B3GALT1: variants seen among roughly 807,000 people sequenced by gnomAD.
B3GALT1 encodes UDP-Gal:betaGlcNAc beta 1,3-galactosyltransferase, polypeptide 1.
In B3GALT1, 10 loss-of-function variants were observed where a neutral mutation model predicts 23.2. That is an observed-to-expected ratio of 0.43 (90% CI 0.27 to 0.73). B3GALT1 has a LOEUF of 0.73. Among genes scored for constraint, B3GALT1 ranks in the 30% least tolerant of loss-of-function variants. The pLI is 0.21. For synonymous variants in B3GALT1, 156 were observed against 141.5 expected (o/e 1.10, Z -0.73); for missense variants, 299 against 405.4 (o/e 0.74, Z 2.25).
At chr2:167,471,590 C>A (rs749581957) in intron 1 of B3GALT1, among the ~76,000 whole-genome samples, 5 of 152,238 alleles carry the variant, frequency 3.3e-5, no homozygotes, top group Non-Finnish European at 5.9e-5. Flanking sequence ...AGTGAACCAG[C>A]TTCAAGATGG....
At chr2:167,369,276 G>A (rs1003688882) in intron 1 of B3GALT1, among the ~76,000 whole-genome samples, 1 of 152,120 alleles carries the variant, frequency 6.6e-6, no homozygotes, top group East Asian at 1.9e-4. Flanking sequence ...TGGAGGCCTT[G>A]CCTCTTACTA....
intron 1 of B3GALT1, among the ~76,000 whole-genome samples, chr2:167,393,497 A>G (rs114739182): frequency 0.014 from 2,192 of 152,280 alleles, 50 homozygotes; most frequent in African/African-American, 0.049. Flanking sequence ...ACAAAGACAT[A>G]TTAGAAAACG....
intron 2 of B3GALT1, among the ~76,000 whole-genome samples, chr2:167,551,886 A>G (rs1474514918): frequency 2.6e-5 from 4 of 152,080 alleles, no homozygotes; most frequent in Non-Finnish European, 5.9e-5. Flanking sequence ...GGCATTTGAG[A>G]AGGGTTCTGG....
At chr2:167,429,338 A>G (rs1329090610) in intron 1 of B3GALT1, among the ~76,000 whole-genome samples, 1 of 152,022 alleles carries the variant, frequency 6.6e-6, no homozygotes, top group Non-Finnish European at 1.5e-5. Context: ...GTATGGGAGC[A>G]GAAGCTTTTG....
chr2:167,548,217 G>T (rs1683676063), intron 2 of B3GALT1, among the ~76,000 whole-genome samples: 1 of 152,190 alleles, frequency 6.6e-6, no homozygotes, highest in Admixed American at 6.5e-5. Context: ...TGGAAGCCCA[G>T]ATCTACCTTC....
chr2:167,832,668 C>T (rs913949856), intron 4 of B3GALT1, among the ~76,000 whole-genome samples: 1 of 152,200 alleles, frequency 6.6e-6, no homozygotes, highest in Non-Finnish European at 1.5e-5. Context: ...AACACCCACC[C>T]TCAACAAACG....
chr2:167,824,283 A>G (rs965770353), intron 4 of B3GALT1, among the ~76,000 whole-genome samples: 4 of 152,254 alleles, frequency 2.6e-5, no homozygotes, highest in Non-Finnish European at 4.4e-5. Flanking sequence ...GCACAGAATG[A>G]TAGGATCAGA....
intron 3 of B3GALT1, among the ~76,000 whole-genome samples, chr2:167,677,667 T>A (rs1420162311): frequency 1.3e-5 from 2 of 152,150 alleles, no homozygotes; most frequent in Admixed American, 1.3e-4. Context: ...GTCTCCTGCC[T>A]TTGTATTTTT....
chr2:167,611,924 T>G (rs962973481), intron 2 of B3GALT1, among the ~76,000 whole-genome samples: 30 of 152,080 alleles, frequency 2.0e-4, no homozygotes. Flanking sequence ...ATCCATCATA[T>G]TTATTCTCCT....
chr2:167,581,010 T>C (rs113928433), intron 2 of B3GALT1, among the ~76,000 whole-genome samples: 2,295 of 152,270 alleles, frequency 0.015, 27 homozygotes, highest in Non-Finnish European at 0.021. Context: ...TGTATTCTCC[T>C]CCTCCACTCA....
intron 2 of B3GALT1, among the ~76,000 whole-genome samples, chr2:167,581,999 A>G (rs1684491700): frequency 6.6e-6 from 1 of 152,182 alleles, no homozygotes; most frequent in Non-Finnish European, 1.5e-5. Context: ...ACAGGTTATC[A>G]GCAGCTTGCA....
intron 4 of B3GALT1, among the ~76,000 whole-genome samples, chr2:167,838,337 A>T (rs1475279132): frequency 6.6e-6 from 1 of 151,904 alleles, no homozygotes; most frequent in African/African-American, 2.4e-5. Flanking sequence ...AAAAATGATA[A>T]AGGGGATATC....
chr2:167,508,783 AAAG>A (rs931211882), intron 2 of B3GALT1, among the ~76,000 whole-genome samples: 7 of 139,164 alleles, frequency 5.0e-5, no homozygotes, highest in African/African-American at 1.0e-4. Flanking sequence ...CATAAAAAAA[AAAG>A]AAAGGAAAAG....
chr2:167,653,685 A>C (rs537410324), intron 3 of B3GALT1, among the ~76,000 whole-genome samples: 2 of 152,290 alleles, frequency 1.3e-5, no homozygotes, highest in South Asian at 4.1e-4. Flanking sequence ...TCATTTGCCG[A>C]GCAGTACCTG....
chr2:167,550,996 C>T (rs564414873), intron 2 of B3GALT1, among the ~76,000 whole-genome samples: 8 of 152,256 alleles, frequency 5.3e-5, no homozygotes, highest in Admixed American at 3.9e-4. Context: ...CCATCCCCCA[C>T]GGCCCACAGA....
chr2:167,336,128 C>T (rs1013070533), intron 1 of B3GALT1, among the ~76,000 whole-genome samples: 1 of 151,908 alleles, frequency 6.6e-6, no homozygotes, highest in African/African-American at 2.4e-5. Flanking sequence ...CCAGAGGGAA[C>T]CTTAGTGGAG....
chr2:167,408,399 A>G (rs1357246922), intron 1 of B3GALT1, among the ~76,000 whole-genome samples: 3 of 152,188 alleles, frequency 2.0e-5, no homozygotes, highest in Non-Finnish European at 4.4e-5. Flanking sequence ...TGACAAACCC[A>G]CTGCTAACAT....
chr2:167,509,626 A>T (rs1009151817), intron 2 of B3GALT1, among the ~76,000 whole-genome samples: 16 of 152,180 alleles, frequency 1.1e-4, no homozygotes, highest in Admixed American at 8.5e-4. Flanking sequence ...GCCATGCAGA[A>T]ATCCAACTAA....
Position 167,869,433 on chromosome 2 carries a change from C to G in B3GALT1, c.394C>G (p.Gln132Glu), listed in dbSNP as rs753895355. 15 of 1,613,878 alleles carry G rather than the reference C, an allele frequency of 9.3e-6. No individual in the cohort carries two copies. Among genetic ancestry groups the G allele is most frequent in the African/African-American group, 1.3e-5 (1 of 74,860 alleles). ...TCCTGTTCTCAATCAGATGGTGGAG[C>G]AAGAGAGCCAAATCTTCCATGATAT... Reference protein sequence around the residue: ...ADPVLNQMVEQESQIFHDIIV... With the variant: ...ADPVLNQMVEEESQIFHDIIV... The change falls in exon 5 of 5, where the codon CAA (glutamine) becomes GAA (glutamate). Residue 132 changes from glutamine (Q) to glutamate (E), a missense_variant. This residue lies in a region of B3GALT1 where 162 missense variants were observed against 184.1 expected (regional missense o/e 0.88). Coordinates refer to ENST00000392690, the MANE Select transcript of B3GALT1 (RefSeq NM_020981.4). This position sits in a 1 kb window ranked among gnomAD's most constrained non-coding sequence, Gnocchi z 6.4.
Sources: allele counts gnomAD v4.1 joint callset (sites outside exome capture counted in the v4.1 genomes callset), GRCh38; gene constraint gnomAD v4.1.1; regional missense constraint gnomAD v4.1.1; non-coding constraint Gnocchi (gnomAD v3.1); transcripts MANE v1.5; gene names NCBI Gene and HGNC (gene_info 2026-07-23, HGNC 2026-07-21).